Variants in KIF26B observed in about 807,000 individuals in gnomAD.
KIF26B encodes the protein kinesin family member 26B.
In KIF26B, 63 loss-of-function variants were observed where a neutral mutation model predicts 151.2. The observed-to-expected ratio is 0.42, with a 90% confidence interval of 0.34 to 0.51. The LOEUF (loss-of-function observed/expected upper bound fraction) is 0.51. KIF26B is among the 20% of genes least tolerant of loss of function. KIF26B has a pLI of 0.07. For synonymous variants in KIF26B, 1,357 were observed against 1,262.1 expected (o/e 1.08, Z -1.59); for missense variants, 2,813 against 2,913.6 (o/e 0.97, Z 0.79).
chr1:245,530,545 A>G (rs973701547), intron 4 of KIF26B, among the ~76,000 whole-genome samples: 1 of 152,238 alleles, frequency 6.6e-6, no homozygotes, highest in Non-Finnish European at 1.5e-5. Flanking sequence ...CATGGATGGA[A>G]CTGGAGGTCA....
At chr1:245,175,221 A>G (rs1435221965) in intron 2 of KIF26B, among the ~76,000 whole-genome samples, 2 of 152,200 alleles carry the variant, frequency 1.3e-5, no homozygotes, top group African/African-American at 4.8e-5. Context: ...GTGAAAGGCT[A>G]CATATTCCAT....
At chr1:245,423,242 C>T (rs1417581318) in intron 4 of KIF26B, among the ~76,000 whole-genome samples, 1 of 152,158 alleles carries the variant, frequency 6.6e-6, no homozygotes, top group Non-Finnish European at 1.5e-5. Context: ...GGGCATCACT[C>T]ACTATTAACT....
At chr1:245,551,874 G>A (rs966807435) in intron 5 of KIF26B, among the ~76,000 whole-genome samples, 10 of 152,040 alleles carry the variant, frequency 6.6e-5, no homozygotes, top group Non-Finnish European at 1.2e-4. Context: ...GTGCCCCCTC[G>A]TGTGCTTCCG....
chr1:245,589,475 C>T (rs937022623), intron 5 of KIF26B, among the ~76,000 whole-genome samples: 5 of 152,158 alleles, frequency 3.3e-5, no homozygotes, highest in African/African-American at 7.2e-5. Context: ...AGGTCTCCTC[C>T]GTACGTGCCA....
chr1:245,408,621 T>C (rs1360023165), intron 3 of KIF26B, among the ~76,000 whole-genome samples: 2 of 152,106 alleles, frequency 1.3e-5, no homozygotes, highest in Non-Finnish European at 2.9e-5. Flanking sequence ...TCCCAAAGTG[T>C]TGGAATTACC....
chr1:245,459,576 G>T (rs1659605537), intron 4 of KIF26B, among the ~76,000 whole-genome samples: 1 of 152,188 alleles, frequency 6.6e-6, no homozygotes, highest in East Asian at 1.9e-4. Context: ...AGCCACCTGT[G>T]TGCCAGCTGC....
intron 4 of KIF26B, among the ~76,000 whole-genome samples, chr1:245,438,443 CT>C (rs1658985234): frequency 6.6e-6 from 1 of 152,166 alleles, no homozygotes; most frequent in South Asian, 2.1e-4. Context: ...AGAGGATATA[CT>C]TTATTTTGAT....
chr1:245,683,622 C>T (rs2044468125), intron 10 of KIF26B, among the ~76,000 whole-genome samples: 1 of 152,172 alleles, frequency 6.6e-6, no homozygotes, highest in African/African-American at 2.4e-5. Flanking sequence ...GAGTGACTGG[C>T]TGGGCCTCTC....
chr1:245,249,292 G>C (rs1454291465), intron 2 of KIF26B, among the ~76,000 whole-genome samples: 1 of 151,730 alleles, frequency 6.6e-6, no homozygotes, highest in East Asian at 2.0e-4. Flanking sequence ...GAAGAGACAG[G>C]GTTTCACTGT....
intron 2 of KIF26B, among the ~76,000 whole-genome samples, chr1:245,216,674 G>C (rs768890532): frequency 6.6e-6 from 1 of 152,124 alleles, no homozygotes; most frequent in Admixed American, 6.6e-5. Context: ...AGAAGAGCTC[G>C]TTTAGTCAGA....
chr1:245,448,084 C>T (rs1182523457), intron 4 of KIF26B, among the ~76,000 whole-genome samples: 2 of 152,262 alleles, frequency 1.3e-5, no homozygotes, highest in Non-Finnish European at 2.9e-5. Context: ...CATAGGAAGA[C>T]ACGTTGAAAG....
chr1:245,580,396 C>G (rs967722944), intron 5 of KIF26B, among the ~76,000 whole-genome samples: 1 of 152,198 alleles, frequency 6.6e-6, no homozygotes, highest in Non-Finnish European at 1.5e-5. Flanking sequence ...GAGAAAGACA[C>G]CACACTTAGA....
chr1:245,707,672 A>G lies in KIF26B; in HGVS notation c.*5066A>G, dbSNP rs1400489051. ...GGGATGGGGAGAGGACAGATAAAGC[A>G]AGAGAATAGGGATTAGGGTCCAATC... On this transcript the variant is annotated 3_prime_UTR_variant, in exon 15 of 15. Transcript: ENST00000407071. The G allele has an allele frequency of 1.3e-5, 2 of 152,234 alleles. No individual in the cohort carries two copies. The allele number at this position is 152,234 out of a possible 1,614,324, so 9.4% of individuals were successfully genotyped here.
chr1:245,487,482 C>T (rs762567487), intron 4 of KIF26B, among the ~76,000 whole-genome samples: 1 of 152,200 alleles, frequency 6.6e-6, no homozygotes, highest in Non-Finnish European at 1.5e-5. Flanking sequence ...TCACAGTGTG[C>T]CTTCAGGGTC....
chr1:245,362,382 A>C (rs1424334519), intron 2 of KIF26B, among the ~76,000 whole-genome samples: 1 of 151,058 alleles, frequency 6.6e-6, no homozygotes, highest in African/African-American at 2.4e-5. Flanking sequence ...AAAAAAAAAA[A>C]AAAAAATTAG....
chr1:245,306,229 G>T (rs1573764926), intron 2 of KIF26B, among the ~76,000 whole-genome samples: 1 of 152,172 alleles, frequency 6.6e-6, no homozygotes, highest in East Asian at 1.9e-4. Flanking sequence ...GAAAAGGAAT[G>T]AAGTGTGGTT....
At chr1:245,370,598 G>A (rs993227307) in intron 3 of KIF26B, 23 of 456,554 alleles carry the variant, frequency 5.0e-5, no homozygotes, top group Admixed American at 4.5e-4. Context: ...CTTGTCACAC[G>A]TGGCAGGGGC....
At chr1:245,246,611 G>A (rs539691065) in intron 2 of KIF26B, among the ~76,000 whole-genome samples, 1 of 152,186 alleles carries the variant, frequency 6.6e-6, no homozygotes, top group South Asian at 2.1e-4. Context: ...CACTCCAGCT[G>A]GTTTATATTC....
intron 4 of KIF26B, among the ~76,000 whole-genome samples, chr1:245,428,610 A>G (rs1017007171): frequency 8.5e-5 from 13 of 152,204 alleles, no homozygotes; most frequent in Non-Finnish European, 1.5e-5. Flanking sequence ...CAGAAGTGGC[A>G]TTCATAGCTT....
Sources: gnomAD v4.1 joint callset for allele counts (sites outside exome capture counted in the v4.1 genomes callset) on GRCh38, gnomAD v4.1.1 for gene constraint, MANE v1.5 for transcripts, NCBI Gene and HGNC (gene_info 2026-07-23, HGNC 2026-07-21) for gene names.